ARHGAP20: variants seen among roughly 807,000 people sequenced by gnomAD.
ARHGAP20 encodes rho GTPase-activating protein 20.
In ARHGAP20, 34 loss-of-function variants were observed where a neutral mutation model predicts 73.7. That is an observed-to-expected ratio of 0.46 (90% CI 0.35 to 0.61). ARHGAP20 has a LOEUF of 0.61. Among genes scored for constraint, ARHGAP20 ranks in the 20% least tolerant of loss-of-function variants. The probability of loss-of-function intolerance (pLI) is 0.00; values close to 1 mark genes in which losing one functional copy is unlikely to be tolerated. For missense variants in ARHGAP20, 1,314 were observed against 1,420.9 expected (o/e 0.92, Z 1.21); for synonymous variants, 523 against 518.2 (o/e 1.01, Z -0.13).
At chr11:110,687,109 T>C (rs1950153307) in intron 2 of ARHGAP20, among the ~76,000 whole-genome samples, 3 of 120,150 alleles carry the variant, frequency 2.5e-5, no homozygotes, top group Admixed American at 8.4e-5. Context: ...CACACACATA[T>C]ATTTTAAGAC....
rs760867259 is a variant in ARHGAP20, at chr11:110,606,346, G to C, written c.964+215C>G. Among the ~76,000 whole-genome samples, 11 of 152,210 alleles carry C rather than the reference G, an allele frequency of 7.2e-5. 1 individual carries two copies. Among genetic ancestry groups the C allele is most frequent in the South Asian group, 4.1e-4 (2 of 4,826 alleles). On this transcript the variant is annotated intron_variant, in intron 9 of 14. Transcript: ENST00000683387. ...TAAAGGGGAAAGAATGGTGAAGAAA[G>C]AAGGAACAGACTGTATTGCTACTAG...
rs1947359953 is a variant in ARHGAP20, at chr11:110,579,022, T to A, written c.*348A>T. The A allele has an allele frequency of 1.0e-6, 1 of 1,000,746 alleles. No individual in the cohort carries two copies. Among genetic ancestry groups the A allele is most frequent in the African/African-American group, 1.7e-5 (1 of 57,642 alleles). 62.0% of individuals were successfully genotyped at this position (1,000,746 alleles called of 1,614,324 possible). On this transcript the variant is annotated 3_prime_UTR_variant, in exon 15 of 15. Coordinates refer to ENST00000683387, the MANE Select transcript of ARHGAP20 (RefSeq NM_001384657.1). ...TCAGGCCCCTATTCCTCATTCCTGA[T>A]ATCTTGGTCTTCTCAGGACATCAAT...
At chr11:110,703,960 T>A (rs1950507255) in intron 1 of ARHGAP20, among the ~76,000 whole-genome samples, 1 of 152,170 alleles carries the variant, frequency 6.6e-6, no homozygotes, top group Non-Finnish European at 1.5e-5. Flanking sequence ...CCAGTATCCA[T>A]CCACTCGCCT....
chr11:110,617,727 T>A (rs1230249755), intron 4 of ARHGAP20, among the ~76,000 whole-genome samples: 2 of 152,196 alleles, frequency 1.3e-5, no homozygotes, highest in African/African-American at 4.8e-5. Context: ...GGACTCCCTT[T>A]CTTTAGTAAT....
chr11:110,634,659 T>G (rs756528804), intron 2 of ARHGAP20, among the ~76,000 whole-genome samples: 1 of 152,134 alleles, frequency 6.6e-6, no homozygotes, highest in South Asian at 2.1e-4. Context: ...GTTTCCTATA[T>G]GTAAAGTAAG....
intron 1 of ARHGAP20, among the ~76,000 whole-genome samples, chr11:110,703,085 A>G (rs1305874345): frequency 2.6e-5 from 4 of 152,120 alleles, no homozygotes; most frequent in African/African-American, 7.2e-5. Context: ...GGTTTTGACT[A>G]CTAGGTAAGC....
Position 110,577,835 on chromosome 11 carries a change from A to G in ARHGAP20, c.*1535T>C. 10 of 985,706 alleles carry G rather than the reference A, an allele frequency of 1.0e-5. No homozygotes were observed. The highest frequency in any genetic ancestry group is 1.2e-5 in the Non-Finnish European group (10 of 829,812). The allele number at this position is 985,706 out of a possible 1,614,324, so 61.1% of individuals were successfully genotyped here. On this transcript the variant is annotated 3_prime_UTR_variant, in exon 15 of 15. Coordinates refer to ENST00000683387, the MANE Select transcript of ARHGAP20 (RefSeq NM_001384657.1). Reference sequence around the variant, plus strand: ...AAATAACTTCTTCTATCTTAGAGAAAATATTTTTTCCCCTATAACTGAAAA... The same window carrying G: ...AAATAACTTCTTCTATCTTAGAGAAGATATTTTTTCCCCTATAACTGAAAA...
intron 4 of ARHGAP20, among the ~76,000 whole-genome samples, chr11:110,619,306 A>G (rs1948566503): frequency 7.1e-6 from 1 of 141,226 alleles, no homozygotes; most frequent in Non-Finnish European, 1.5e-5. Context: ...GTGATAGCAT[A>G]TATGTAGAGT....
chr11:110,653,201 C>A (rs1352404101), intron 2 of ARHGAP20, among the ~76,000 whole-genome samples: 1 of 152,080 alleles, frequency 6.6e-6, no homozygotes, highest in Non-Finnish European at 1.5e-5. Context: ...GCAATTGCAA[C>A]AAAAGCGAAA....
chr11:110,598,431 T>A (rs974744964), intron 9 of ARHGAP20, among the ~76,000 whole-genome samples: 3 of 152,160 alleles, frequency 2.0e-5, no homozygotes, highest in African/African-American at 7.2e-5. Flanking sequence ...CACTCAAGTT[T>A]TTCCATACTA....
chr11:110,587,184 TG>T (rs1211502650), intron 11 of ARHGAP20, among the ~76,000 whole-genome samples: 1 of 152,230 alleles, frequency 6.6e-6, no homozygotes, highest in Non-Finnish European at 1.5e-5. Context: ...GTTCTTGTCC[TG>T]GTCCTACAGA....
chr11:110,648,628 G>A (rs753567378), intron 2 of ARHGAP20, among the ~76,000 whole-genome samples: 11 of 151,734 alleles, frequency 7.2e-5, no homozygotes, highest in Non-Finnish European at 1.3e-4. Context: ...GGGATTACAG[G>A]TGTGCACCAC....
intron 4 of ARHGAP20, among the ~76,000 whole-genome samples, chr11:110,617,941 C>T (rs1426773505): frequency 2.0e-5 from 3 of 152,258 alleles, no homozygotes; most frequent in Non-Finnish European, 4.4e-5. Context: ...AGAGGCCTGT[C>T]ATCACTGAGA....
At position 110,712,261 on chromosome 11, in the gene ARHGAP20, A is replaced by C. The variant is rs904584510; in HGVS notation, c.-30T>G. The C allele has an allele frequency of 7.6e-7, 1 of 1,309,484 alleles. No homozygotes were observed. Among genetic ancestry groups the C allele is most frequent in the Non-Finnish European group, 9.8e-7 (1 of 1,020,474 alleles). The allele number at this position is 1,309,484 out of a possible 1,614,324, so 81.1% of individuals were successfully genotyped here. On this transcript the variant is annotated 5_prime_UTR_variant, in exon 1 of 15. Transcript: ENST00000683387. ...AAAATCTTCAAACAAATCCCAGCCC[A>C]GGAGGAGGCTACACGATCATGTCCG... is the stretch of plus-strand genomic sequence containing the variant.
intron 1 of ARHGAP20, chr11:110,711,552 G>T: frequency 7.3e-7 from 1 of 1,371,940 alleles, no homozygotes; most frequent in Non-Finnish European, 9.5e-7. Context: ...TGGTGTGGGG[G>T]GCAGTACTCC....
intron 9 of ARHGAP20, among the ~76,000 whole-genome samples, chr11:110,603,077 A>T (rs1336370615): frequency 6.6e-6 from 1 of 152,228 alleles, no homozygotes; most frequent in African/African-American, 2.4e-5. Flanking sequence ...CAGTGGTACT[A>T]CCTGAAAAAT....
intron 7 of ARHGAP20, among the ~76,000 whole-genome samples, chr11:110,609,492 G>C (rs1361662635): frequency 6.6e-6 from 1 of 152,176 alleles, no homozygotes; most frequent in Non-Finnish European, 1.5e-5. Flanking sequence ...GAAGCTTTGA[G>C]GAGATAAGTA....
At chr11:110,696,458 AT>A (rs1387727719) in intron 1 of ARHGAP20, among the ~76,000 whole-genome samples, 7 of 149,154 alleles carry the variant, frequency 4.7e-5, no homozygotes, top group African/African-American at 1.7e-4. Context: ...AAAAAGGAAA[AT>A]TTTTTTATCC....
rs191537337 is a variant in ARHGAP20 at position 110,645,547 on chromosome 11, T to C, written c.189-14755A>G. The stretch of plus-strand genomic sequence containing the variant: ...GAAATGTCAACTAATTCAGCTACTG[T>C]GGAGAGCAGTTTAGAGATTTCTCAA... On this transcript the variant is annotated intron_variant, in intron 2 of 14. Transcript: ENST00000683387. Among the ~76,000 whole-genome samples the C allele has an allele frequency of 4.5e-3, 683 of 152,262 alleles. 2 individuals carry two copies. Among genetic ancestry groups the C allele is most frequent in the African/African-American group, 0.016 (654 of 41,548 alleles).
Sources: gnomAD v4.1 joint callset for allele counts (sites outside exome capture counted in the v4.1 genomes callset) on GRCh38, gnomAD v4.1.1 for gene constraint, MANE v1.5 for transcripts, NCBI Gene and HGNC (gene_info 2026-07-23, HGNC 2026-07-21) for gene names.